The following BCKDHB variants were observed in gnomAD, a reference collection of about 807,000 sequenced individuals.
The protein encoded by BCKDHB is 2-oxoisovalerate dehydrogenase subunit beta, mitochondrial.
BCKDHB carries 41 observed loss-of-function variants against 48.5 expected under a neutral mutation model. The ratio of observed to expected loss-of-function variants is 0.85; its 90% CI spans 0.66 to 1.10. The LOEUF (loss-of-function observed/expected upper bound fraction) is 1.10. Ranked by LOEUF, BCKDHB falls within the 50% of genes least tolerant of loss-of-function variation. The probability of loss-of-function intolerance (pLI) is 0.00; values close to 1 mark genes in which losing one functional copy is unlikely to be tolerated. For synonymous variants in BCKDHB, 201 were observed against 174.8 expected, an observed-to-expected ratio of 1.15 and a Z score of -1.18; for missense variants, 496 against 494.2, an observed-to-expected ratio of 1.00 and a Z score of -0.03.
At chr6:80,407,761 T>C in the BCKDHB span, among the ~76,000 whole-genome samples, 6 of 152,160 alleles carry the variant, frequency 3.9e-5, no homozygotes, top group East Asian at 7.7e-4. Flanking sequence ...TGGGCTGAGA[T>C]GATGGGGTTT....
At chr6:80,400,929 C>G in the BCKDHB span, among the ~76,000 whole-genome samples, 3 of 151,910 alleles carry the variant, frequency 2.0e-5, no homozygotes, top group Non-Finnish European at 4.4e-5. Context: ...ATGGATGGAG[C>G]TGGAGGTCAT....
chr6:80,107,237 T>C (rs1280123467), intron 1 of BCKDHB, among the ~76,000 whole-genome samples: 1 of 150,772 alleles, frequency 6.6e-6, no homozygotes, highest in Non-Finnish European at 1.5e-5. Context: ...CCTTAGGTGT[T>C]GTTCCAGCCT....
At chr6:80,110,001 C>G (rs771475076) in intron 1 of BCKDHB, among the ~76,000 whole-genome samples, 2 of 152,196 alleles carry the variant, frequency 1.3e-5, no homozygotes, top group African/African-American at 2.4e-5. Context: ...GAAGAACATA[C>G]TAACTTTCTG....
chr6:80,290,253 G>A (rs1164855213), intron 9 of BCKDHB, among the ~76,000 whole-genome samples: 1 of 152,166 alleles, frequency 6.6e-6, no homozygotes, highest in East Asian at 1.9e-4. Flanking sequence ...TACTGGGCTG[G>A]GGTGGGAGGG....
At chr6:80,139,700 A>T (rs566850238) in intron 3 of BCKDHB, among the ~76,000 whole-genome samples, 2 of 152,066 alleles carry the variant, frequency 1.3e-5, no homozygotes, top group South Asian at 4.1e-4. Flanking sequence ...TGTTTTGGTT[A>T]CTGTAGCCTT....
chr6:80,247,915 A>G (rs2127928608), intron 8 of BCKDHB, among the ~76,000 whole-genome samples: 1 of 152,336 alleles, frequency 6.6e-6, no homozygotes, highest in East Asian at 1.9e-4. Flanking sequence ...GCTGAAGCTT[A>G]GTTACTATTA....
At chr6:80,203,357 A>G in intron 8 of BCKDHB, 145 bp downstream of exon 8, 1 of 670,806 alleles carries the variant, frequency 1.5e-6, no homozygotes, top group Non-Finnish European at 2.7e-6. Flanking sequence ...GCATGAAAGA[A>G]AGTTGTATAA....
At chr6:80,197,004 C>G (rs1366965016) in intron 6 of BCKDHB, among the ~76,000 whole-genome samples, 1 of 152,072 alleles carries the variant, frequency 6.6e-6, no homozygotes, top group East Asian at 1.9e-4. Context: ...CTTATTAGTC[C>G]TAAGATTCTA....
chr6:80,343,205 A>G (rs889851616), intron 9 of BCKDHB, among the ~76,000 whole-genome samples: 1 of 152,246 alleles, frequency 6.6e-6, no homozygotes, highest in African/African-American at 2.4e-5. Context: ...AGTAACTGAT[A>G]GAAGTTCAGT....
chr6:80,361,462 ATAAG>A, the BCKDHB span, among the ~76,000 whole-genome samples: 1 of 152,214 alleles, frequency 6.6e-6, no homozygotes, highest in African/African-American at 2.4e-5. Flanking sequence ...TTATTTATTC[ATAAG>A]TAAGGTATTT....
At chr6:80,160,609 T>C (rs1255914982) in intron 3 of BCKDHB, among the ~76,000 whole-genome samples, 1 of 152,222 alleles carries the variant, frequency 6.6e-6, no homozygotes, top group East Asian at 1.9e-4. Flanking sequence ...GATTTTAATA[T>C]GAAGTTTAGT....
chr6:80,154,390 A>C (rs1203750854), intron 3 of BCKDHB, among the ~76,000 whole-genome samples: 2 of 152,128 alleles, frequency 1.3e-5, no homozygotes, highest in Non-Finnish European at 2.9e-5. Context: ...GCTTGATACT[A>C]TCTCTTACAA....
intron 6 of BCKDHB, among the ~76,000 whole-genome samples, chr6:80,176,200 G>C (rs560344654): frequency 2.0e-5 from 3 of 152,306 alleles, no homozygotes; most frequent in Non-Finnish European, 4.4e-5. Flanking sequence ...GAGGTGTTAA[G>C]AGTAAGTGTA....
chr6:80,241,835 G>T (rs1038259457), intron 8 of BCKDHB, among the ~76,000 whole-genome samples: 1 of 152,130 alleles, frequency 6.6e-6, no homozygotes, highest in African/African-American at 2.4e-5. Context: ...GTTTAAATTT[G>T]CCTTTCTGTA....
the BCKDHB span, among the ~76,000 whole-genome samples, chr6:80,438,854 A>G: frequency 1.3e-5 from 2 of 152,352 alleles, no homozygotes; most frequent in South Asian, 4.1e-4. Context: ...TAACAAATGC[A>G]GAAATGAGTG....
chr6:80,440,830 G>A, the BCKDHB span: 1 of 152,084 alleles, frequency 6.6e-6, no homozygotes, highest in African/African-American at 2.4e-5. Context: ...TTCTTTAGGA[G>A]ACTGATGATA....
chr6:80,218,980 G>A (rs1157355388), intron 8 of BCKDHB, among the ~76,000 whole-genome samples: 2 of 151,986 alleles, frequency 1.3e-5, no homozygotes, highest in Non-Finnish European at 2.9e-5. Flanking sequence ...ACCCTAAAAG[G>A]AGATTCTCTT....
chr6:80,448,386 A>C, the BCKDHB span, among the ~76,000 whole-genome samples: 1 of 152,078 alleles, frequency 6.6e-6, no homozygotes. Flanking sequence ...AAGTTTTTGG[A>C]TGCTATGTGA....
chr6:80,248,147 G>A (rs1776689808), intron 8 of BCKDHB, among the ~76,000 whole-genome samples: 1 of 151,932 alleles, frequency 6.6e-6, no homozygotes, highest in Admixed American at 6.6e-5. Flanking sequence ...TCAATGCTTT[G>A]GGAAATTCAT....
Sources: gnomAD v4.1 joint callset for allele counts (sites outside exome capture counted in the v4.1 genomes callset) on GRCh38, gnomAD v4.1.1 for gene constraint, MANE v1.5 for transcripts, NCBI Gene and HGNC (gene_info 2026-07-23, HGNC 2026-07-21) for gene names.